The following ATP8A2 variants were observed in gnomAD, a reference collection of about 807,000 sequenced individuals.
ATP8A2 encodes ATPase phospholipid transporting 8A2, also known as phospholipid-transporting ATPase IB.
ATP8A2 carries 100 observed loss-of-function variants against 165.6 expected under a neutral mutation model. That is an observed-to-expected ratio of 0.60 (90% CI 0.51 to 0.71). ATP8A2 has a LOEUF of 0.71. Ranked by LOEUF, ATP8A2 falls within the 30% of genes least tolerant of loss-of-function variation. The pLI, the probability that ATP8A2 is intolerant of heterozygous loss-of-function variation, is 0.00. For missense variants in ATP8A2, 1,227 were observed against 1,479.5 expected, an observed-to-expected ratio of 0.83 and a Z score of 2.80; for synonymous variants, 543 against 548.8, an observed-to-expected ratio of 0.99 and a Z score of 0.15.
rs115695478 is a variant in ATP8A2 at position 25,426,165 on chromosome 13, G to C, written c.77-42812G>C. On this transcript the variant is annotated intron_variant, in intron 1 of 36. Transcript: ENST00000381655. ...AACACCTGAGACTGGGTAATTTATA[G>C]ATAAAAGAGGTTTAACTGGCTCACA... Among the ~76,000 whole-genome samples, 1,324 of 152,246 alleles carry C rather than the reference G, an allele frequency of 8.7e-3. 25 individuals carry two copies. Among genetic ancestry groups the C allele is most frequent in the African/African-American group, 0.029 (1,192 of 41,540 alleles).
chr13:25,971,842 G>T (rs1955921410), intron 35 of ATP8A2, among the ~76,000 whole-genome samples: 2 of 152,188 alleles, frequency 1.3e-5, no homozygotes, highest in Middle Eastern at 3.4e-3. Context: ...TTGCAAAGAT[G>T]CACAGGCCAG....
chr13:25,548,235 A>C (rs1445788454), intron 10 of ATP8A2, among the ~76,000 whole-genome samples: 1 of 152,066 alleles, frequency 6.6e-6, no homozygotes, highest in African/African-American at 2.4e-5. Context: ...CCAAAAAACA[A>C]ACAAACAAAC....
At chr13:25,913,553 A>G (rs377504468) in intron 33 of ATP8A2, among the ~76,000 whole-genome samples, 1 of 152,166 alleles carries the variant, frequency 6.6e-6, no homozygotes, top group African/African-American at 2.4e-5. Flanking sequence ...GGTCTGATTT[A>G]TACACCAGAG....
intron 27 of ATP8A2, among the ~76,000 whole-genome samples, chr13:25,800,368 A>C (rs188294740): frequency 6.6e-6 from 1 of 152,232 alleles, no homozygotes; most frequent in African/African-American, 2.4e-5. Flanking sequence ...TGATTATAAA[A>C]CAACAAATTG....
At chr13:25,836,396 T>G (rs1362749977) in intron 28 of ATP8A2, among the ~76,000 whole-genome samples, 1 of 152,126 alleles carries the variant, frequency 6.6e-6, no homozygotes, top group African/African-American at 2.4e-5. Context: ...GGGGTGCATC[T>G]CTCATGGGAC....
At chr13:25,616,841 G>A (rs2040839736) in intron 24 of ATP8A2, among the ~76,000 whole-genome samples, 1 of 152,156 alleles carries the variant, frequency 6.6e-6, no homozygotes, top group Non-Finnish European at 1.5e-5. Flanking sequence ...GGTACAAAGT[G>A]TTGTGCAGAC....
intron 24 of ATP8A2, among the ~76,000 whole-genome samples, chr13:25,675,617 A>G (rs1352172634): frequency 6.6e-6 from 1 of 152,200 alleles, no homozygotes; most frequent in African/African-American, 2.4e-5. Flanking sequence ...AAATCATTAC[A>G]CTCTAAGTAG....
chr13:25,547,163 TAAAC>T (rs1338046432), intron 10 of ATP8A2, among the ~76,000 whole-genome samples: 2 of 150,882 alleles, frequency 1.3e-5, no homozygotes, highest in Admixed American at 6.6e-5. Context: ...AAATAAAAAA[TAAAC>T]AAATAAAATA....
chr13:25,621,299 A>T (rs1023047944), intron 24 of ATP8A2, among the ~76,000 whole-genome samples: 2 of 152,206 alleles, frequency 1.3e-5, no homozygotes. Flanking sequence ...GTCAGATTTC[A>T]TCATCTCTGG....
At chr13:25,376,663 T>A (rs1013158762) in intron 1 of ATP8A2, among the ~76,000 whole-genome samples, 3 of 152,208 alleles carry the variant, frequency 2.0e-5, no homozygotes, top group African/African-American at 7.2e-5. Context: ...ATCGACAACA[T>A]GTTAGATTTC....
At chr13:25,766,084 G>A (rs1566117020) in intron 25 of ATP8A2, among the ~76,000 whole-genome samples, 2 of 152,160 alleles carry the variant, frequency 1.3e-5, no homozygotes, top group African/African-American at 2.4e-5. Flanking sequence ...CCTGTTTTAC[G>A]CTCTCTTGTG....
chr13:25,582,709 C>A (rs1047834005), intron 23 of ATP8A2, among the ~76,000 whole-genome samples: 7 of 152,164 alleles, frequency 4.6e-5, no homozygotes, highest in African/African-American at 1.7e-4. Context: ...CCTGCTAGAG[C>A]CTTTGTATTT....
intron 2 of ATP8A2, among the ~76,000 whole-genome samples, chr13:25,522,053 C>A (rs1202737608): frequency 6.6e-6 from 1 of 152,106 alleles, no homozygotes; most frequent in Non-Finnish European, 1.5e-5. Flanking sequence ...CTGTCATTTG[C>A]TTTGGGTAGT....
At chr13:25,819,134 G>A (rs764965350) in intron 27 of ATP8A2, among the ~76,000 whole-genome samples, 5 of 152,036 alleles carry the variant, frequency 3.3e-5, no homozygotes, top group African/African-American at 9.7e-5. Context: ...TAAACATACA[G>A]CATTTTTGTT....
intron 24 of ATP8A2, among the ~76,000 whole-genome samples, chr13:25,678,725 TG>T (rs2042422793): frequency 6.6e-6 from 1 of 152,186 alleles, no homozygotes; most frequent in South Asian, 2.1e-4. Flanking sequence ...AAATTAGTCC[TG>T]GGGTTGAATT....
intron 24 of ATP8A2, 85 bp from the exon 25 acceptor site, chr13:25,699,088 T>A: frequency 8.8e-7 from 1 of 1,133,022 alleles, no homozygotes; most frequent in Non-Finnish European, 1.2e-6. Context: ...GTGTTCTCAT[T>A]TCAAGAAACT....
chr13:25,744,371 G>A (rs2043984039), intron 25 of ATP8A2, among the ~76,000 whole-genome samples: 1 of 151,848 alleles, frequency 6.6e-6, no homozygotes, highest in South Asian at 2.1e-4. Context: ...CGGTGGCTCA[G>A]CTGCCCACAA....
intron 1 of ATP8A2, among the ~76,000 whole-genome samples, chr13:25,416,477 G>A (rs560823368): frequency 6.6e-6 from 1 of 152,266 alleles, no homozygotes; most frequent in African/African-American, 2.4e-5. Context: ...TCACTTGAAA[G>A]TCTCTTGGAA....
rs777317273 is a variant in ATP8A2, at chr13:25,378,754, C to T, written c.76+6466C>T. Among the ~76,000 whole-genome samples the T allele has an allele frequency of 2.0e-5, 3 of 152,232 alleles. No individual in the cohort carries two copies. The East Asian group carries it at 5.8e-4, about 29-fold the overall frequency. The stretch of plus-strand genomic sequence containing the variant: ...ACTGACAGCACTTGGCTGTCTCCGG[C>T]CCTGCTGTCCTAGCTACTCTGCAGC... On this transcript the variant is annotated intron_variant, in intron 1 of 36. Coordinates refer to ENST00000381655, the MANE Select transcript of ATP8A2 (RefSeq NM_016529.6).
Sources: gnomAD v4.1 joint callset for allele counts (sites outside exome capture counted in the v4.1 genomes callset) on GRCh38, gnomAD v4.1.1 for gene constraint, MANE v1.5 for transcripts, NCBI Gene and HGNC (gene_info 2026-07-23, HGNC 2026-07-21) for gene names.